Variants in MTUS2 observed in about 807,000 individuals in gnomAD.
MTUS2 encodes microtubule associated scaffold protein 2, also known as microtubule-associated tumor suppressor candidate 2.
A neutral mutation model predicts 114.1 loss-of-function variants in MTUS2; 40 were observed. That is an observed-to-expected ratio of 0.35 (90% CI 0.27 to 0.46). MTUS2 has a LOEUF of 0.46. MTUS2 is among the 20% of genes least tolerant of loss of function. The probability of loss-of-function intolerance (pLI) is 1.00; values close to 1 mark genes in which losing one functional copy is unlikely to be tolerated. For synonymous variants in MTUS2, 688 were observed against 672.0 expected, an observed-to-expected ratio of 1.02 and a Z score of -0.37; for missense variants, 1,679 against 1,705.4, an observed-to-expected ratio of 0.98 and a Z score of 0.27.
At chr13:29,200,540 G>C (rs1320107940) in intron 5 of MTUS2, among the ~76,000 whole-genome samples, 2 of 7,416 alleles carry the variant, frequency 2.7e-4, no homozygotes, top group Non-Finnish European at 4.9e-4. Flanking sequence ...TTTTTTTTGA[G>C]ATGGAGTTTT....
intron 6 of MTUS2, among the ~76,000 whole-genome samples, chr13:29,293,358 T>C (rs1484261416): frequency 3.9e-5 from 6 of 152,160 alleles, no homozygotes; most frequent in Non-Finnish European, 7.4e-5. Flanking sequence ...ATATTCAAAT[T>C]TACTAATAAC....
chr13:29,346,043 C>A (rs1027659484), intron 7 of MTUS2, among the ~76,000 whole-genome samples: 9 of 152,206 alleles, frequency 5.9e-5, no homozygotes, highest in Non-Finnish European at 1.3e-4. Context: ...TAACGAGCAC[C>A]TCCTCCAGTG....
At chr13:28,928,090 A>C (rs1027330526) in intron 2 of MTUS2, among the ~76,000 whole-genome samples, 1 of 152,210 alleles carries the variant, frequency 6.6e-6, no homozygotes, top group African/African-American at 2.4e-5. Flanking sequence ...CACCATATGC[A>C]AAAATCAAAT....
chr13:29,271,373 A>G (rs536108275), intron 5 of MTUS2, among the ~76,000 whole-genome samples: 10 of 152,274 alleles, frequency 6.6e-5, no homozygotes, highest in African/African-American at 2.2e-4. Context: ...TTACTCTTCA[A>G]CCAAACCAGA....
At chr13:28,944,269 T>C (rs1275889661) in intron 2 of MTUS2, among the ~76,000 whole-genome samples, 2 of 152,182 alleles carry the variant, frequency 1.3e-5, no homozygotes, top group Non-Finnish European at 2.9e-5. Flanking sequence ...GTATGACAGA[T>C]CAATGTAAAC....
intron 8 of MTUS2, among the ~76,000 whole-genome samples, chr13:29,384,382 G>A (rs1288557153): frequency 6.6e-6 from 1 of 152,168 alleles, no homozygotes; most frequent in Non-Finnish European, 1.5e-5. Context: ...GATCTGACCT[G>A]TTACATTCTG....
intron 4 of MTUS2, among the ~76,000 whole-genome samples, chr13:29,051,123 A>G (rs1283663443): frequency 1.3e-5 from 2 of 152,204 alleles, no homozygotes; most frequent in Non-Finnish European, 2.9e-5. Flanking sequence ...CGGAGAGGTC[A>G]GTTGTGAGCT....
At position 29,252,770 on chromosome 13, in the gene MTUS2, T is replaced by G. The variant is rs560059675; in HGVS notation, c.2645-28934T>G. On this transcript the variant is annotated intron_variant, in intron 5 of 15. Coordinates refer to ENST00000612955, the MANE Select transcript of MTUS2 (RefSeq NM_001033602.4). The stretch of plus-strand genomic sequence containing the variant: ...ATGGTAGTGAATAAGTCTCACGAGA[T>G]CTGATGGTTTTATAAGGGGTTTCCC... 3.4e-4 allele frequency among the ~76,000 whole-genome samples: 52 copies of G among 152,292 alleles called. No homozygotes were observed. The East Asian group carries it at 8.9e-3, about 26-fold the overall frequency.
At chr13:29,012,399 C>T (rs1470245251) in intron 2 of MTUS2, among the ~76,000 whole-genome samples, 5 of 152,054 alleles carry the variant, frequency 3.3e-5, no homozygotes, top group South Asian at 2.1e-4. Flanking sequence ...CTCAGTCCAG[C>T]GTGTCCACAT....
At chr13:29,453,330 T>A (rs936331715) in intron 9 of MTUS2, among the ~76,000 whole-genome samples, 1 of 152,238 alleles carries the variant, frequency 6.6e-6, no homozygotes, top group African/African-American at 2.4e-5. Flanking sequence ...TTTCAGGATA[T>A]GTTAAGCCTC....
At chr13:28,909,160 C>G (rs574261212) in intron 2 of MTUS2, among the ~76,000 whole-genome samples, 16 of 151,606 alleles carry the variant, frequency 1.1e-4, no homozygotes, top group African/African-American at 3.9e-4. Context: ...TTAGGATTGA[C>G]TTGGCGATGC....
intron 6 of MTUS2, chr13:29,307,026 C>T: frequency 1.9e-6 from 1 of 526,322 alleles, no homozygotes; most frequent in South Asian, 1.5e-5. Flanking sequence ...GAGATCCCTC[C>T]AAAATCAAAT....
chr13:29,232,473 G>A (rs910742415), intron 5 of MTUS2, among the ~76,000 whole-genome samples: 4 of 152,184 alleles, frequency 2.6e-5, no homozygotes, highest in Non-Finnish European at 4.4e-5. Context: ...GCCATTGGGG[G>A]GGAAGAGTAA....
At chr13:29,001,153 C>G (rs895312382) in intron 2 of MTUS2, among the ~76,000 whole-genome samples, 1 of 152,182 alleles carries the variant, frequency 6.6e-6, no homozygotes, top group African/African-American at 2.4e-5. Flanking sequence ...TGCTGGGATG[C>G]TTCTCATAAG....
At chr13:28,878,263 A>G (rs1160418666) in intron 2 of MTUS2, among the ~76,000 whole-genome samples, 3 of 149,794 alleles carry the variant, frequency 2.0e-5, no homozygotes, top group Non-Finnish European at 2.9e-5. Flanking sequence ...GTGTGTGTGT[A>G]TATGTGTATA....
chr13:29,091,301 T>C (rs1444488531), intron 4 of MTUS2, among the ~76,000 whole-genome samples: 1 of 152,160 alleles, frequency 6.6e-6, no homozygotes, highest in East Asian at 1.9e-4. Context: ...ATCAGACTAA[T>C]ACAAGTAGAG....
At chr13:29,466,344 G>T (rs1022084949) in intron 9 of MTUS2, among the ~76,000 whole-genome samples, 1 of 152,188 alleles carries the variant, frequency 6.6e-6, no homozygotes, top group Non-Finnish European at 1.5e-5. Context: ...ATTGATAACT[G>T]CCTGAAAGCC....
intron 2 of MTUS2, among the ~76,000 whole-genome samples, chr13:28,926,818 A>G (rs1881353074): frequency 1.3e-5 from 2 of 152,216 alleles, no homozygotes; most frequent in South Asian, 4.1e-4. Context: ...TTTGCTATGT[A>G]GTATGTAATT....
At chr13:29,410,379 G>A (rs966484338) in intron 8 of MTUS2, among the ~76,000 whole-genome samples, 5 of 152,012 alleles carry the variant, frequency 3.3e-5, no homozygotes, top group Non-Finnish European at 5.9e-5. Flanking sequence ...CGCCCGCCTC[G>A]GCCTCCCAAA....
Sources: allele counts gnomAD v4.1 joint callset (sites outside exome capture counted in the v4.1 genomes callset), GRCh38; gene constraint gnomAD v4.1.1; transcripts MANE v1.5; gene names NCBI Gene and HGNC (gene_info 2026-07-23, HGNC 2026-07-21).